The following SCPEP1 variants were observed in gnomAD, a reference collection of about 807,000 sequenced individuals.
SCPEP1 encodes the protein serine carboxypeptidase 1.
SCPEP1 carries 51 observed loss-of-function variants against 63.8 expected under a neutral mutation model. The ratio of observed to expected loss-of-function variants is 0.80; its 90% CI spans 0.64 to 1.01. SCPEP1 has a LOEUF of 1.01. SCPEP1 is among the 50% of genes least tolerant of loss of function. The probability of loss-of-function intolerance (pLI) is 0.00; values close to 1 mark genes in which losing one functional copy is unlikely to be tolerated. For synonymous variants in SCPEP1, 204 were observed against 207.8 expected (o/e 0.98, Z 0.16); for missense variants, 499 against 554.9 (o/e 0.90, Z 1.01).
chr17:56,981,759 T>C (rs1306792967), intron 2 of SCPEP1, among the ~76,000 whole-genome samples: 1 of 151,904 alleles, frequency 6.6e-6, no homozygotes, highest in Non-Finnish European at 1.5e-5. Flanking sequence ...GAGGCGGAGG[T>C]AGCAGTGAGC....
At chr17:56,989,718 C>T (rs964634808) in intron 5 of SCPEP1, among the ~76,000 whole-genome samples, 6 of 151,928 alleles carry the variant, frequency 3.9e-5, no homozygotes, top group African/African-American at 9.7e-5. Context: ...AGGCCGAGGC[C>T]GGCAGATCGC....
chr17:56,978,260 A>G, intron 1 of SCPEP1, 25 bp downstream of exon 1: 2 of 1,519,026 alleles, frequency 1.3e-6, no homozygotes, highest in Non-Finnish European at 8.8e-7. Flanking sequence ...GAGGCGCACC[A>G]GCTGCCATGC....
At chr17:56,985,750 T>C (rs1306374119) in intron 3 of SCPEP1, among the ~76,000 whole-genome samples, 1 of 152,086 alleles carries the variant, frequency 6.6e-6, no homozygotes, top group Non-Finnish European at 1.5e-5. Flanking sequence ...TGGGACCCTG[T>C]GTTATGCACG....
Position 56,987,822 on chromosome 17 carries a change from CCTT to C in SCPEP1, c.448_450del (p.Phe150del), listed in dbSNP as rs757004072. On this transcript the variant is annotated inframe_deletion, in exon 4 of 13. Transcript: ENST00000262288. ...TCAGACATGATGGTTCTCCTGAAGA[CCTT>C]CTTCAGTTGCCACAAAGAATTCCAG... 6.2e-6 allele frequency: 10 copies of C among 1,614,130 alleles called. No individual in the cohort carries two copies. Among genetic ancestry groups the C allele is most frequent in the East Asian group, 2.2e-5 (1 of 44,888 alleles).
At chr17:56,988,744 G>A (rs1443908255) in intron 5 of SCPEP1, among the ~76,000 whole-genome samples, 2 of 151,682 alleles carry the variant, frequency 1.3e-5, no homozygotes, top group Non-Finnish European at 2.9e-5. Context: ...TTCCTGCCTT[G>A]TATAAAATAT....
At chr17:56,991,487 C>T (rs1801561789) in intron 6 of SCPEP1, among the ~76,000 whole-genome samples, 1 of 152,126 alleles carries the variant, frequency 6.6e-6, no homozygotes, top group South Asian at 2.1e-4. Flanking sequence ...GATTCAAATC[C>T]AGGTCTGTGC....
At chr17:57,002,632 G>A (rs1434846799) in intron 12 of SCPEP1, among the ~76,000 whole-genome samples, 4 of 152,098 alleles carry the variant, frequency 2.6e-5, no homozygotes, top group Admixed American at 1.3e-4. Context: ...ACTTGAACCC[G>A]GGAGGTGGAG....
At position 56,989,170 on chromosome 17, in the gene SCPEP1, A is replaced by G. The variant is rs546106717; in HGVS notation, c.546+880A>G. 3.3e-5 allele frequency among the ~76,000 whole-genome samples: 5 copies of G among 152,352 alleles called. No individual in the cohort carries two copies. The South Asian group carries it at 1.0e-3, about 32-fold the overall frequency. Reference sequence around the variant, plus strand: ...ATGGCACTGCACTCCAGCCTGGGTGACAGAACAAGACTGTGTCTCAGGAAA... The same window carrying G: ...ATGGCACTGCACTCCAGCCTGGGTGGCAGAACAAGACTGTGTCTCAGGAAA... On this transcript the variant is annotated intron_variant, in intron 5 of 12. Coordinates refer to ENST00000262288, the MANE Select transcript of SCPEP1 (RefSeq NM_021626.3).
rs191527381 is a variant in SCPEP1, at chr17:56,993,991, T to C, written c.620-990T>C. Among the ~76,000 whole-genome samples, 228 of 152,354 alleles carry C rather than the reference T, an allele frequency of 1.5e-3. 1 individual carries two copies. Among genetic ancestry groups the C allele is most frequent in the Admixed American group, 2.7e-3 (42 of 15,296 alleles). On this transcript the variant is annotated intron_variant, in intron 6 of 12. Coordinates refer to ENST00000262288, the MANE Select transcript of SCPEP1 (RefSeq NM_021626.3). ...TTAAGCCCGGGAGGTGATTAACAGC[T>C]AGGCCACGGAAGTCCTGGTGTGCTT...
At chr17:56,987,467 CTTTTT>C (rs34593566) in intron 3 of SCPEP1, 14 of 273,380 alleles carry the variant, frequency 5.1e-5, no homozygotes, top group South Asian at 9.8e-5. Context: ...CTGCCTCTCC[CTTTTT>C]TTTTTTTTGC....
chr17:56,991,829 A>G (rs931147638), intron 6 of SCPEP1, among the ~76,000 whole-genome samples: 2 of 152,172 alleles, frequency 1.3e-5, no homozygotes, highest in Non-Finnish European at 2.9e-5. Flanking sequence ...TGTCCTGTGC[A>G]TTGTAGGATA....
intron 11 of SCPEP1, 142 bp from the exon 12 acceptor site, chr17:57,001,876 A>T (rs764415897): frequency 2.7e-5 from 23 of 866,454 alleles, no homozygotes; most frequent in Non-Finnish European, 4.1e-5. Flanking sequence ...GATCTTCTGA[A>T]TCAGAATTTG....
chr17:56,995,236 G>T, intron 7 of SCPEP1: 1 of 565,642 alleles, frequency 1.8e-6, no homozygotes, highest in Non-Finnish European at 3.1e-6. Flanking sequence ...CCAGATATAA[G>T]AAACACATTT....
rs150266367 is a variant in SCPEP1, at chr17:56,995,074, G to T, written c.657+56G>T. The T allele has an allele frequency of 1.8e-5, 27 of 1,477,060 alleles. No individual in the cohort carries two copies. The East Asian group carries it at 5.7e-4, about 31-fold the overall frequency. 91.5% of individuals were successfully genotyped at this position (1,477,060 alleles called of 1,614,324 possible). ...CAAACAGCCCAGCAGATCTCTTCTGGCTGTGACCCCAGGAAAAGAGATGCT... is the reference window on the plus strand; with the variant it reads ...CAAACAGCCCAGCAGATCTCTTCTGTCTGTGACCCCAGGAAAAGAGATGCT... On this transcript the variant is annotated intron_variant, in intron 7 of 12. Transcript: ENST00000262288.
intron 12 of SCPEP1, among the ~76,000 whole-genome samples, chr17:57,005,340 G>A (rs1778542529): frequency 6.6e-6 from 1 of 152,184 alleles, no homozygotes; most frequent in South Asian, 2.1e-4. Flanking sequence ...CCCATTTCCT[G>A]TTGGTTTGTC....
At chr17:56,978,379 TC>T (rs1731597654) in intron 1 of SCPEP1, 144 bp downstream of exon 1, 7 of 902,074 alleles carry the variant, frequency 7.8e-6, no homozygotes, top group South Asian at 2.8e-5. Context: ...TGAATCTCAC[TC>T]TTTTTTTTTT....
At chr17:56,978,544 G>T (rs1222681497) in intron 1 of SCPEP1, among the ~76,000 whole-genome samples, 1 of 151,978 alleles carries the variant, frequency 6.6e-6, no homozygotes, top group Non-Finnish European at 1.5e-5. Flanking sequence ...CGATTCAAAG[G>T]CCATGATTGG....
At chr17:56,997,189 T>C in intron 9 of SCPEP1, 134 bp downstream of exon 9, 1 of 554,332 alleles carries the variant, frequency 1.8e-6, no homozygotes, top group South Asian at 3.0e-5. Context: ...TAAGTGGTTT[T>C]CAGTATATTC....
chr17:57,002,356 G>T (rs1282695801), intron 12 of SCPEP1, among the ~76,000 whole-genome samples, 175 bp downstream of exon 12: 1 of 152,210 alleles, frequency 6.6e-6, no homozygotes, highest in African/African-American at 2.4e-5. Flanking sequence ...AAGGCAGGTG[G>T]ATTGCTGGAG....
Sources: gnomAD v4.1 joint callset for allele counts (sites outside exome capture counted in the v4.1 genomes callset) on GRCh38, gnomAD v4.1.1 for gene constraint, MANE v1.5 for transcripts, NCBI Gene and HGNC (gene_info 2026-07-23, HGNC 2026-07-21) for gene names.